UNKL: variants seen among roughly 807,000 people sequenced by gnomAD.
UNKL encodes the protein unk like zinc finger.
UNKL carries 60 observed loss-of-function variants against 78.0 expected under a neutral mutation model. The observed-to-expected ratio is 0.77, with a 90% CI of 0.63 to 0.95. UNKL has a LOEUF of 0.95. Ranked by LOEUF, UNKL falls within the 40% of genes least tolerant of loss-of-function variation. The pLI is 0.00. For synonymous variants in UNKL, 608 were observed against 474.8 expected, an observed-to-expected ratio of 1.28 and a Z score of -3.65; for missense variants, 1,159 against 1,045.7, an observed-to-expected ratio of 1.11 and a Z score of -1.49.
At chr16:1,409,621 T>G (rs1054766974) in intron 2 of UNKL, among the ~76,000 whole-genome samples, 5 of 152,074 alleles carry the variant, frequency 3.3e-5, no homozygotes, top group African/African-American at 1.2e-4. Context: ...GACAGCAGGC[T>G]AATATTTTTG....
intron 10 of UNKL, among the ~76,000 whole-genome samples, chr16:1,381,054 G>C (rs2036587964): frequency 6.6e-6 from 1 of 152,178 alleles, no homozygotes; most frequent in Non-Finnish European, 1.5e-5. Flanking sequence ...ACGTACCTCA[G>C]ATACGAAAGA....
At chr16:1,391,191 ACAC>A (rs2037032687) in intron 8 of UNKL, among the ~76,000 whole-genome samples, 1 of 125,352 alleles carries the variant, frequency 8.0e-6, no homozygotes, top group Admixed American at 8.3e-5. Flanking sequence ...ACACACACAC[ACAC>A]AATATATATG....
intron 9 of UNKL, among the ~76,000 whole-genome samples, chr16:1,388,202 T>C (rs537209507): frequency 3.9e-5 from 6 of 152,110 alleles, no homozygotes; most frequent in African/African-American, 1.4e-4. Flanking sequence ...GCCCCGCACC[T>C]GTGTCTGCAT....
chr16:1,374,358 C>T (rs989797177), intron 10 of UNKL, among the ~76,000 whole-genome samples: 2 of 152,158 alleles, frequency 1.3e-5, no homozygotes, highest in Non-Finnish European at 2.9e-5. Flanking sequence ...TGGTACTGGA[C>T]AGTGTGCTGC....
At chr16:1,389,659 G>GA (rs112193725) in intron 9 of UNKL, among the ~76,000 whole-genome samples, 2,589 of 152,334 alleles carry the variant, frequency 0.017, 73 homozygotes, top group African/African-American at 0.058. Context: ...CTGTCCTCAG[G>GA]AAGAGACCCC....
Position 1,367,304 on chromosome 16 carries a change from C to T in UNKL, c.1834G>A (p.Ala612Thr). The change falls in exon 14 of 15, where the codon GCC becomes ACC. Residue 612 changes from alanine to threonine, a missense_variant. Transcript: ENST00000389221. ...QREAQEAKER[A>T]RVADSDRQLA... is the part of the protein sequence containing the mutation. ...TGCCGGTCGCTATCGGCCACACGGG[C>T]ACGCTCCTTGGCCTCCTGCGCCTCT... The T allele has an allele frequency of 6.4e-7, 1 of 1,555,510 alleles. No homozygotes were observed. The highest frequency in any genetic ancestry group is 8.7e-7 in the Non-Finnish European group (1 of 1,154,778).
Position 1,375,178 on chromosome 16 carries a change from C to T in UNKL, c.1265-3567G>A, listed in dbSNP as rs538831414. 1.6e-3 allele frequency among the ~76,000 whole-genome samples: 243 copies of T among 152,338 alleles called. 1 individual carries two copies. The highest frequency in any genetic ancestry group is 3.0e-3 in the Non-Finnish European group (207 of 68,020). On this transcript the variant is annotated intron_variant, in intron 10 of 14. Coordinates refer to ENST00000389221, the MANE Select transcript of UNKL (RefSeq NM_001372107.1). ...CCTCGTGCCGCGGTGGTGGCCCCAG[C>T]GGAGCACAGGCAGAGGCTGGCGTGG...
At chr16:1,384,994 G>A (rs1171385246) in intron 10 of UNKL, among the ~76,000 whole-genome samples, 2 of 152,174 alleles carry the variant, frequency 1.3e-5, no homozygotes, top group African/African-American at 4.8e-5. Context: ...AGCGCCTGCG[G>A]CACCCAGGCC....
Position 1,366,320 on chromosome 16 carries a change from G to A in UNKL, c.2122C>T (p.Gln708Ter). 1 of 1,603,438 alleles carries A rather than the reference G, an allele frequency of 6.2e-7. No homozygotes were observed. The highest frequency in any genetic ancestry group is 8.5e-7 in the Non-Finnish European group (1 of 1,176,268). Residue 708 changes from glutamine to a stop codon, truncating the protein, a stop_gained, in exon 15 of 15, where the codon CAG (glutamine) becomes TAG (stop). Transcript: ENST00000389221. LOFTEE classifies it low-confidence loss of function (END_TRUNC). ...RAHGAVLRPCQHHILCEPCAA... is the reference protein window; with the variant it reads ...RAHGAVLRPC ...CACGGCTCACAGAGGATGTGGTGCTGACAGGGCCGCAGGACAGCACCGTGG... is the reference window on the plus strand; with the variant it reads ...CACGGCTCACAGAGGATGTGGTGCTAACAGGGCCGCAGGACAGCACCGTGG...
intron 10 of UNKL, among the ~76,000 whole-genome samples, chr16:1,378,544 T>C (rs1465071652): frequency 6.6e-6 from 1 of 152,126 alleles, no homozygotes; most frequent in Non-Finnish European, 1.5e-5. Context: ...GGCAGAAGCT[T>C]CACCCACCAG....
chr16:1,391,876 T>C (rs1456395417), intron 8 of UNKL, among the ~76,000 whole-genome samples: 1 of 151,650 alleles, frequency 6.6e-6, no homozygotes, highest in African/African-American at 2.4e-5. Flanking sequence ...TTAGTAGAGA[T>C]GGGGTTTCAC....
At chr16:1,380,609 A>C (rs147014575) in intron 10 of UNKL, among the ~76,000 whole-genome samples, 3,092 of 130,338 alleles carry the variant, frequency 0.024, 43 homozygotes, top group Middle Eastern at 0.047. Context: ...CCTCTAACTA[A>C]GGCAGTGTCG....
chr16:1,376,910 A>G (rs2036273685), intron 10 of UNKL, among the ~76,000 whole-genome samples: 1 of 152,128 alleles, frequency 6.6e-6, no homozygotes, highest in African/African-American at 2.4e-5. Flanking sequence ...ACCTCGCACC[A>G]GCAAATGAGG....
In UNKL at chr16:1,371,752, G is replaced by A. The variant is rs1304920744; in HGVS notation, c.1265-141C>T. ...CGTGGGAGTTGCTGGGGCAGCCAGGGAAGGACACCCCCAGCCCGTCCTCGC... is the reference window on the plus strand; with the variant it reads ...CGTGGGAGTTGCTGGGGCAGCCAGGAAAGGACACCCCCAGCCCGTCCTCGC... On this transcript the variant is annotated intron_variant, in intron 10 of 14. Transcript: ENST00000389221. 9 of 849,312 alleles carry A rather than the reference G, an allele frequency of 1.1e-5. No homozygotes were observed. The East Asian group carries it at 1.9e-4, about 18-fold the overall frequency. 52.6% of individuals were successfully genotyped at this position (849,312 alleles called of 1,614,324 possible).
At chr16:1,400,417 C>CAAAAAAAA (rs56093103) in intron 4 of UNKL, among the ~76,000 whole-genome samples, 2 of 30,800 alleles carry the variant, frequency 6.5e-5, no homozygotes, top group African/African-American at 1.8e-4. Flanking sequence ...GACTCCATCT[C>CAAAAAAAA]AAAAAAAAAA....
rs181710202 is a variant in UNKL at position 1,401,247 on chromosome 16, C to T, written c.598+321G>A. On this transcript the variant is annotated intron_variant, in intron 4 of 14. Transcript: ENST00000389221. Reference sequence around the variant, plus strand: ...CCTGGTGGGTGCCTGGTGGGCGCCCCGGCTCTGGGACAGGACGCCTCACGA... The same window carrying T: ...CCTGGTGGGTGCCTGGTGGGCGCCCTGGCTCTGGGACAGGACGCCTCACGA... 16 of 246,478 alleles carry T rather than the reference C, an allele frequency of 6.5e-5. No homozygotes were observed. The East Asian group carries it at 6.8e-4, about 11-fold the overall frequency. The allele number at this position is 246,478 out of a possible 1,614,324, so 15.3% of individuals were successfully genotyped here.
At chr16:1,409,044 G>A (rs2037914087) in intron 2 of UNKL, among the ~76,000 whole-genome samples, 2 of 151,740 alleles carry the variant, frequency 1.3e-5, no homozygotes, top group South Asian at 4.1e-4. Flanking sequence ...AGCCTCCCAA[G>A]TAGCTGGGAC....
In UNKL at chr16:1,363,277, A is replaced by G. The variant is rs2034978829; in HGVS notation, c.*2963T>C. Reference sequence around the variant, plus strand: ...ATGAATTCTGTAAACCATTGCATAAATGCTATAGTGTAAAAAAATTTAAAC... The same window carrying G: ...ATGAATTCTGTAAACCATTGCATAAGTGCTATAGTGTAAAAAAATTTAAAC... On this transcript the variant is annotated 3_prime_UTR_variant, in exon 15 of 15. Transcript: ENST00000389221. 1 of 628,196 alleles carries G rather than the reference A, an allele frequency of 1.6e-6. No homozygotes were observed. Among genetic ancestry groups the G allele is most frequent in the African/African-American group, 1.8e-5 (1 of 54,546 alleles). The allele number at this position is 628,196 out of a possible 1,614,324, so 38.9% of individuals were successfully genotyped here. A position where few individuals can be genotyped will look rare whatever the true frequency, so the allele number is the denominator to read the frequency against.
chr16:1,389,217 A>C (rs1163263313), intron 9 of UNKL, among the ~76,000 whole-genome samples: 1 of 151,994 alleles, frequency 6.6e-6, no homozygotes, highest in East Asian at 1.9e-4. Context: ...GTCCCCCCCA[A>C]ATTCCTACGT....
Sources: gnomAD v4.1 joint callset for allele counts (sites outside exome capture counted in the v4.1 genomes callset) on GRCh38, gnomAD v4.1.1 for gene constraint, MANE v1.5 for transcripts, NCBI Gene and HGNC (gene_info 2026-07-23, HGNC 2026-07-21) for gene names.